The following SYTL3 variants were observed in gnomAD, a reference collection of about 807,000 sequenced individuals.
The protein encoded by SYTL3 is synaptotagmin like 3, also known as synaptotagmin-like protein 3.
SYTL3 carries 88 observed loss-of-function variants against 82.1 expected under a neutral mutation model. That is an observed-to-expected ratio of 1.07 (90% CI 0.90 to 1.28). The LOEUF is 1.28. Ranked by LOEUF, SYTL3 falls within the 50% of genes most tolerant of loss-of-function variation. The pLI is 0.00. For missense variants in SYTL3, 831 were observed against 757.6 expected (o/e 1.10, Z -1.14); for synonymous variants, 311 against 289.4 (o/e 1.07, Z -0.76).
At chr6:158,705,404 C>T (rs1352185531) in intron 6 of SYTL3, among the ~76,000 whole-genome samples, 1 of 145,408 alleles carries the variant, frequency 6.9e-6, no homozygotes. Flanking sequence ...TGTAAGGCCA[C>T]GTAGGACAGG....
rs1779572988 is a variant in SYTL3 at position 158,688,959 on chromosome 6, TGTA to T, written c.394+5974_394+5976del. 3.9e-5 allele frequency among the ~76,000 whole-genome samples: 6 copies of T among 152,338 alleles called. No homozygotes were observed. In the South Asian group the frequency reaches 1.2e-3, roughly 32 times the overall value. On this transcript the variant is annotated intron_variant, in intron 6 of 17. Coordinates refer to ENST00000611299, the MANE Select transcript of SYTL3 (RefSeq NM_001242394.2). ...ACAGTTTTATCCTAATGTTTCTTCA[TGTA>T]GTAATTTATAAGGAACATTTTCAGT... is the stretch of plus-strand genomic sequence containing the variant.
chr6:158,663,800 T>G (rs1789667418), intron 4 of SYTL3, among the ~76,000 whole-genome samples: 1 of 152,116 alleles, frequency 6.6e-6, no homozygotes, highest in Non-Finnish European at 1.5e-5. Flanking sequence ...AGAAAGAGGC[T>G]CACAAGCAGC....
At chr6:158,671,816 T>G (rs1007022607) in intron 5 of SYTL3, among the ~76,000 whole-genome samples, 1 of 152,096 alleles carries the variant, frequency 6.6e-6, no homozygotes, top group Non-Finnish European at 1.5e-5. Context: ...ATTATCTATA[T>G]GTTATACAGC....
At chr6:158,746,117 C>G (rs1332339739) in intron 12 of SYTL3, among the ~76,000 whole-genome samples, 1 of 151,998 alleles carries the variant, frequency 6.6e-6, no homozygotes, top group Non-Finnish European at 1.5e-5. Flanking sequence ...CAAGGCAGCT[C>G]TCTTCGGGCC....
At chr6:158,649,672 A>G (rs945177607), upstream of SYTL3, among the ~76,000 whole-genome samples, 3 of 152,208 alleles carry the variant, frequency 2.0e-5, no homozygotes, top group Non-Finnish European at 4.4e-5. Context: ...TCTTGAGTTA[A>G]TAGCTGTTCT....
intron 6 of SYTL3, among the ~76,000 whole-genome samples, chr6:158,696,524 T>G (rs1415201292): frequency 6.6e-6 from 1 of 151,980 alleles, no homozygotes; most frequent in Non-Finnish European, 1.5e-5. Flanking sequence ...TTATAACACT[T>G]ATTTTATATT....
At chr6:158,761,301 C>G (rs376492091) in intron 15 of SYTL3, among the ~76,000 whole-genome samples, 1 of 93,888 alleles carries the variant, frequency 1.1e-5, no homozygotes, top group Non-Finnish European at 2.1e-5. Flanking sequence ...ATGCACATTT[C>G]TTTTTTTTTT....
intron 2 of SYTL3, among the ~76,000 whole-genome samples, chr6:158,654,092 T>C (rs1788383571): frequency 6.6e-6 from 1 of 152,214 alleles, no homozygotes; most frequent in African/African-American, 2.4e-5. Flanking sequence ...AAACTCCTAG[T>C]GCATGGCTGA....
intron 6 of SYTL3, among the ~76,000 whole-genome samples, chr6:158,699,843 A>G (rs1249671500): frequency 6.6e-6 from 1 of 151,840 alleles, no homozygotes; most frequent in African/African-American, 2.4e-5. Context: ...AGCTACTCCG[A>G]GCCTGAGGTA....
chr6:158,725,257 A>G (rs181386481), intron 10 of SYTL3, among the ~76,000 whole-genome samples: 1 of 152,234 alleles, frequency 6.6e-6, no homozygotes, highest in Non-Finnish European at 1.5e-5. Flanking sequence ...GTTCATGACT[A>G]TCCCAAAGCT....
chr6:158,744,304 C>CTTTTTTT (rs869182913), intron 11 of SYTL3, among the ~76,000 whole-genome samples: 17 of 99,220 alleles, frequency 1.7e-4, no homozygotes, highest in Admixed American at 8.5e-4. Flanking sequence ...CTTTTTCTTT[C>CTTTTTTT]TTTTTTTTTT....
chr6:158,665,309 T>G, intron 4 of SYTL3, 86 bp from the exon 5 acceptor site: 8 of 1,283,030 alleles, frequency 6.2e-6, no homozygotes, highest in Non-Finnish European at 7.6e-6. Flanking sequence ...TCCCTTGCCA[T>G]GGGGGTTACT....
At chr6:158,709,064 C>T (rs1782455125) in intron 8 of SYTL3, among the ~76,000 whole-genome samples, 3 of 152,276 alleles carry the variant, frequency 2.0e-5, no homozygotes, top group Middle Eastern at 3.4e-3. Flanking sequence ...GAAACCCTGT[C>T]TCTACTAAAA....
At chr6:158,672,220 G>A (rs1380266943) in intron 5 of SYTL3, among the ~76,000 whole-genome samples, 1 of 152,182 alleles carries the variant, frequency 6.6e-6, no homozygotes, top group African/African-American at 2.4e-5. Flanking sequence ...GAACCCGGGA[G>A]GCGGAGGTTG....
intron 6 of SYTL3, among the ~76,000 whole-genome samples, chr6:158,705,390 G>C (rs1781933906): frequency 6.7e-6 from 1 of 149,492 alleles, no homozygotes; most frequent in South Asian, 2.2e-4. Context: ...GTGACAGTGA[G>C]GGCTGTAAGG....
At chr6:158,726,125 T>C (rs1784695537) in intron 11 of SYTL3, 1 of 422,664 alleles carries the variant, frequency 2.4e-6, no homozygotes, top group Non-Finnish European at 4.6e-6. Context: ...AATAGTCAGT[T>C]GAAGATGTTT....
chr6:158,675,302 G>C (rs574512365), intron 5 of SYTL3, among the ~76,000 whole-genome samples: 1 of 152,288 alleles, frequency 6.6e-6, no homozygotes, highest in Non-Finnish European at 1.5e-5. Context: ...AAGCAAGGGA[G>C]AGTTATTCGT....
intron 2 of SYTL3, among the ~76,000 whole-genome samples, chr6:158,652,144 TCTCAAA>T (rs1196806127): frequency 2.0e-5 from 3 of 152,138 alleles, no homozygotes; most frequent in Non-Finnish European, 2.9e-5. Flanking sequence ...GCTAGGCTGG[TCTCAAA>T]CTCCTGACCT....
At chr6:158,760,823 G>A in intron 15 of SYTL3, 78 bp downstream of exon 15, 1 of 1,188,124 alleles carries the variant, frequency 8.4e-7, no homozygotes, top group Admixed American at 1.8e-5. Context: ...ACTGAGGTGG[G>A]GTGAAAGTTT....
Sources: allele counts gnomAD v4.1 joint callset (sites outside exome capture counted in the v4.1 genomes callset), GRCh38; gene constraint gnomAD v4.1.1; transcripts MANE v1.5; gene names NCBI Gene and HGNC (gene_info 2026-07-23, HGNC 2026-07-21).